The following CALCRL variants were observed in gnomAD, a reference collection of about 807,000 sequenced individuals.
CALCRL encodes the protein calcitonin gene-related peptide type 1 receptor.
In CALCRL, 27 loss-of-function variants were observed where a neutral mutation model predicts 60.4. The ratio of observed to expected loss-of-function variants is 0.45; its 90% CI spans 0.33 to 0.62. The LOEUF (loss-of-function observed/expected upper bound fraction) is 0.62. Among genes scored for constraint, CALCRL ranks in the 20% least tolerant of loss-of-function variants. CALCRL has a pLI of 0.03. For synonymous variants in CALCRL, 190 were observed against 182.6 expected (o/e 1.04, Z -0.33); for missense variants, 424 against 540.7 (o/e 0.78, Z 2.14).
chr2:187,348,745 G>A (rs574795458), intron 14 of CALCRL, among the ~76,000 whole-genome samples: 1 of 151,506 alleles, frequency 6.6e-6, no homozygotes, highest in East Asian at 1.9e-4. Context: ...GTTTGTTTAT[G>A]TTATTTGCTC....
intron 12 of CALCRL, among the ~76,000 whole-genome samples, chr2:187,355,359 A>C (rs1686725178): frequency 1.3e-5 from 2 of 152,080 alleles, no homozygotes; most frequent in African/African-American, 4.8e-5. Flanking sequence ...CTTAGAATGT[A>C]GGAGAAGGAA....
intron 1 of CALCRL, among the ~76,000 whole-genome samples, chr2:187,399,675 A>G (rs897736550): frequency 1.3e-5 from 2 of 151,566 alleles, no homozygotes; most frequent in African/African-American, 4.8e-5. Context: ...CAATTAAAAA[A>G]TGGGCAGAGA....
Position 187,387,667 on chromosome 2 carries a change from T to C in CALCRL, c.-203A>G, listed in dbSNP as rs1688263910. ...AAAATTTAATTTCCCAATACTTACATGCACAATTGTCTCCAGTCTCAAATC... is the reference window on the plus strand; with the variant it reads ...AAAATTTAATTTCCCAATACTTACACGCACAATTGTCTCCAGTCTCAAATC... On this transcript the variant is annotated splice_region_variant and 5_prime_UTR_variant, in exon 2 of 15. Coordinates refer to ENST00000392370, the MANE Select transcript of CALCRL (RefSeq NM_005795.6). 5.0e-6 allele frequency: 2 copies of C among 396,962 alleles called. No homozygotes were observed. The highest frequency in any genetic ancestry group is 7.2e-5 in the East Asian group (2 of 27,816). The allele number at this position is 396,962 out of a possible 1,614,324, so 24.6% of individuals were successfully genotyped here.
intron 1 of CALCRL, among the ~76,000 whole-genome samples, chr2:187,438,292 T>C (rs1690736259): frequency 6.6e-6 from 1 of 152,066 alleles, no homozygotes; most frequent in African/African-American, 2.4e-5. Context: ...TATAAAAGAG[T>C]CCTTTGGCTG....
chr2:187,390,804 C>T (rs1296437887), intron 1 of CALCRL, among the ~76,000 whole-genome samples: 6 of 151,974 alleles, frequency 3.9e-5, no homozygotes, highest in Non-Finnish European at 7.4e-5. Flanking sequence ...GGTGTATGGC[C>T]CCTGGGTTTG....
chr2:187,442,577 G>A (rs1197141217), intron 1 of CALCRL, among the ~76,000 whole-genome samples: 1 of 151,604 alleles, frequency 6.6e-6, no homozygotes, highest in Admixed American at 6.6e-5. Flanking sequence ...CCATTAGGTG[G>A]CAGTAATAAG....
intron 1 of CALCRL, among the ~76,000 whole-genome samples, chr2:187,410,416 A>G (rs1689307484): frequency 6.6e-6 from 1 of 150,940 alleles, no homozygotes; most frequent in Non-Finnish European, 1.5e-5. Context: ...GTTGAGAAAG[A>G]AAGAAAAAAA....
intron 8 of CALCRL, among the ~76,000 whole-genome samples, chr2:187,377,296 T>C (rs538184827): frequency 1.7e-4 from 26 of 152,028 alleles, no homozygotes; most frequent in Non-Finnish European, 2.9e-4. Context: ...GTGATGGCAG[T>C]AGTGATCAGG....
intron 1 of CALCRL, among the ~76,000 whole-genome samples, chr2:187,442,356 C>T (rs1020050067): frequency 1.3e-5 from 2 of 150,280 alleles, no homozygotes; most frequent in African/African-American, 4.9e-5. Context: ...AATGAGAATC[C>T]CTTTGAATGT....
At chr2:187,373,313 T>A (rs937009213) in intron 8 of CALCRL, among the ~76,000 whole-genome samples, 1 of 152,188 alleles carries the variant, frequency 6.6e-6, no homozygotes, top group African/African-American at 2.4e-5. Context: ...AGTATCTAAA[T>A]TCAAAGACTA....
chr2:187,398,166 C>T (rs1044452144), intron 1 of CALCRL, among the ~76,000 whole-genome samples: 13 of 151,566 alleles, frequency 8.6e-5, no homozygotes, highest in Non-Finnish European at 1.6e-4. Flanking sequence ...CACTCTCCCT[C>T]CAGGAGATCT....
chr2:187,369,631 G>C (rs1687438490), intron 8 of CALCRL, among the ~76,000 whole-genome samples: 2 of 152,130 alleles, frequency 1.3e-5, no homozygotes, highest in Non-Finnish European at 2.9e-5. Flanking sequence ...ACTGTTACTA[G>C]AACTGGGGAA....
intron 12 of CALCRL, among the ~76,000 whole-genome samples, chr2:187,353,030 G>C (rs985595126): frequency 1.3e-5 from 2 of 151,874 alleles, no homozygotes; most frequent in Non-Finnish European, 2.9e-5. Context: ...CGAAGAGACA[G>C]TAGTTTCTTT....
chr2:187,444,626 C>G (rs905293525), intron 1 of CALCRL, among the ~76,000 whole-genome samples: 1 of 151,368 alleles, frequency 6.6e-6, no homozygotes, highest in Non-Finnish European at 1.5e-5. Context: ...AAAATATTTG[C>G]AACTTATTAC....
intron 1 of CALCRL, among the ~76,000 whole-genome samples, chr2:187,440,068 CTT>C (rs1435536205): frequency 6.6e-6 from 1 of 152,006 alleles, no homozygotes; most frequent in African/African-American, 2.4e-5. Flanking sequence ...CTATTATAAT[CTT>C]ATATCAATAA....
At chr2:187,400,515 C>A (rs2349313) in intron 1 of CALCRL, among the ~76,000 whole-genome samples, 71,047 of 151,112 alleles carry the variant, frequency 0.47, 17,256 homozygotes, top group East Asian at 0.6. Flanking sequence ...TATGACCCAG[C>A]AATTCCACTT....
At chr2:187,417,860 T>A (rs1401874246) in intron 1 of CALCRL, among the ~76,000 whole-genome samples, 1 of 152,222 alleles carries the variant, frequency 6.6e-6, no homozygotes, top group East Asian at 1.9e-4. Flanking sequence ...AAGAGGATAA[T>A]GTTTCAACAG....
intron 1 of CALCRL, among the ~76,000 whole-genome samples, chr2:187,439,909 T>C (rs1690814334): frequency 6.6e-6 from 1 of 152,138 alleles, no homozygotes; most frequent in Non-Finnish European, 1.5e-5. Flanking sequence ...AAAGCTGGAA[T>C]ACAAGATCTA....
At chr2:187,383,655 C>T (rs549460668) in intron 4 of CALCRL, among the ~76,000 whole-genome samples, 22 of 152,224 alleles carry the variant, frequency 1.4e-4, no homozygotes, top group African/African-American at 5.1e-4. Context: ...TTTCCTGGCT[C>T]TATGAATGAA....
Sources: allele counts gnomAD v4.1 joint callset (sites outside exome capture counted in the v4.1 genomes callset), GRCh38; gene constraint gnomAD v4.1.1; transcripts MANE v1.5; gene names NCBI Gene and HGNC (gene_info 2026-07-23, HGNC 2026-07-21).